The following TULP4 variants were observed in gnomAD, a reference collection of about 807,000 sequenced individuals.
TULP4 encodes TUB like protein 4, also known as tubby-related protein 4.
Under a neutral mutation model 129.0 loss-of-function variants are expected in TULP4, and 16 were observed. The observed-to-expected ratio is 0.12, with a 90% CI of 0.08 to 0.19. The LOEUF is 0.19. Among genes scored for constraint, TULP4 ranks in the 10% least tolerant of loss-of-function variants. The probability of loss-of-function intolerance (pLI) is 1.00; values close to 1 mark genes in which losing one functional copy is unlikely to be tolerated. For missense variants in TULP4, 1,842 were observed against 2,059.1 expected (o/e 0.89, Z 2.04); for synonymous variants, 998 against 854.0 (o/e 1.17, Z -2.94).
At chr6:158,394,409 C>T (rs1408272807) in intron 1 of TULP4, among the ~76,000 whole-genome samples, 1 of 151,718 alleles carries the variant, frequency 6.6e-6, no homozygotes. Context: ...GTCGCTTCCA[C>T]ATTTTCAGGT....
intron 1 of TULP4, among the ~76,000 whole-genome samples, chr6:158,368,326 A>G (rs1346862952): frequency 6.6e-6 from 1 of 152,072 alleles, no homozygotes; most frequent in Non-Finnish European, 1.5e-5. Context: ...TTTATTTGAG[A>G]CAGAGTCTCG....
intron 1 of TULP4, among the ~76,000 whole-genome samples, chr6:158,293,590 G>T (rs532430351): frequency 6.6e-6 from 1 of 152,318 alleles, no homozygotes; most frequent in East Asian, 1.9e-4. Flanking sequence ...TATGTGCTCA[G>T]TGCTTCTGTG....
intron 5 of TULP4, among the ~76,000 whole-genome samples, chr6:158,454,029 C>CCG (rs1554293031): frequency 2.0e-5 from 3 of 147,938 alleles, no homozygotes; most frequent in Non-Finnish European, 4.5e-5. Flanking sequence ...CCGCCCCCCC[C>CCG]CAAGTAATTA....
At chr6:158,235,146 C>A (rs1464826713) in intron 1 of TULP4, among the ~76,000 whole-genome samples, 1 of 151,888 alleles carries the variant, frequency 6.6e-6, no homozygotes, top group East Asian at 1.9e-4. Context: ...CCACTGCACT[C>A]CAGCCTGGGT....
chr6:158,302,047 T>C (rs1779141048), intron 1 of TULP4, among the ~76,000 whole-genome samples: 1 of 152,228 alleles, frequency 6.6e-6, no homozygotes. Flanking sequence ...TAATCCAGCC[T>C]CTTTAACACA....
chr6:158,455,511 T>C (rs1207353805), intron 5 of TULP4, among the ~76,000 whole-genome samples: 1 of 151,622 alleles, frequency 6.6e-6, no homozygotes, highest in Non-Finnish European at 1.5e-5. Flanking sequence ...CTGAGGCAGG[T>C]GAATCACCTG....
chr6:158,454,017 CA>C (rs1229649726), intron 5 of TULP4, among the ~76,000 whole-genome samples: 3 of 68,470 alleles, frequency 4.4e-5, no homozygotes, highest in African/African-American at 2.5e-4. Flanking sequence ...CCTGCCTCTG[CA>C]CCGCCCCCCC....
intron 3 of TULP4, among the ~76,000 whole-genome samples, chr6:158,445,419 G>T (rs1446064514): frequency 6.6e-6 from 1 of 152,134 alleles, no homozygotes; most frequent in Non-Finnish European, 1.5e-5. Context: ...GAAGGAGATT[G>T]CTCCTTCATT....
intron 1 of TULP4, among the ~76,000 whole-genome samples, chr6:158,382,977 C>T (rs894760714): frequency 1.3e-5 from 2 of 152,184 alleles, no homozygotes; most frequent in Non-Finnish European, 2.9e-5. Flanking sequence ...CGAATTAGTG[C>T]TGTGCCAAAA....
At chr6:158,404,391 T>C (rs1367093723) in intron 1 of TULP4, among the ~76,000 whole-genome samples, 4 of 152,170 alleles carry the variant, frequency 2.6e-5, no homozygotes, top group Non-Finnish European at 4.4e-5. Flanking sequence ...GGGATCTCTT[T>C]GGTGTATGTT....
chr6:158,439,049 T>C (rs2115091403), intron 3 of TULP4, among the ~76,000 whole-genome samples: 1 of 152,036 alleles, frequency 6.6e-6, no homozygotes, highest in South Asian at 2.1e-4. Context: ...CATGTGCCTG[T>C]AGTCCCAGCT....
intron 1 of TULP4, among the ~76,000 whole-genome samples, chr6:158,365,964 GCC>G (rs1780946408): frequency 8.3e-6 from 1 of 120,778 alleles, no homozygotes; most frequent in South Asian, 3.0e-4. Context: ...GTGCAGTGGC[GCC>G]ATCTCGGCTC....
chr6:158,285,574 C>T (rs1409857311), intron 1 of TULP4, among the ~76,000 whole-genome samples: 1 of 152,210 alleles, frequency 6.6e-6, no homozygotes, highest in African/African-American at 2.4e-5. Flanking sequence ...GTACTGTTCA[C>T]CACCCTGAGA....
chr6:158,293,941 T>C (rs1778986530), intron 1 of TULP4, among the ~76,000 whole-genome samples: 1 of 152,192 alleles, frequency 6.6e-6, no homozygotes, highest in Non-Finnish European at 1.5e-5. Flanking sequence ...AAAGGCAGGC[T>C]CTGAGTGCAA....
chr6:158,232,677 T>C lies in TULP4; in HGVS notation n.68+374T>C, dbSNP rs1777619842. ...GCTTGGAGCCATTTTTTTTTCTTAATTGTGGAGACAGAAAATCCCTGAAAA... is the reference window on the plus strand; with the variant it reads ...GCTTGGAGCCATTTTTTTTTCTTAACTGTGGAGACAGAAAATCCCTGAAAA... On this transcript the variant is annotated intron_variant and non_coding_transcript_variant, in intron 1 of 1. Transcript: ENST00000620026. Among the ~76,000 whole-genome samples, 5 of 152,016 alleles carry C rather than the reference T, an allele frequency of 3.3e-5. No homozygotes were observed. The South Asian group carries it at 1.0e-3, about 32-fold the overall frequency.
At chr6:158,416,524 A>G (rs915513439) in intron 2 of TULP4, among the ~76,000 whole-genome samples, 12 of 152,260 alleles carry the variant, frequency 7.9e-5, no homozygotes, top group South Asian at 4.1e-4. Flanking sequence ...TGGTACAGCT[A>G]TATGTTTGTG....
At chr6:158,460,832 C>T (rs1026056892) in intron 5 of TULP4, among the ~76,000 whole-genome samples, 3 of 151,916 alleles carry the variant, frequency 2.0e-5, no homozygotes, top group African/African-American at 7.3e-5. Context: ...TCTGAGTCAT[C>T]CCTGGGAGTG....
intron 1 of TULP4, among the ~76,000 whole-genome samples, chr6:158,350,718 G>A (rs9457361): frequency 0.17 from 26,207 of 151,614 alleles, 2,688 homozygotes; most frequent in Middle Eastern, 0.26. Flanking sequence ...GAGGGAGACC[G>A]TAGAAAGAAA....
chr6:158,416,516 G>GT, intron 2 of TULP4, among the ~76,000 whole-genome samples: 1 of 152,084 alleles, frequency 6.6e-6, no homozygotes, highest in Non-Finnish European at 1.5e-5. Flanking sequence ...ACATAATTTG[G>GT]TACAGCTATA....
Sources: allele counts gnomAD v4.1 joint callset (sites outside exome capture counted in the v4.1 genomes callset), GRCh38; gene constraint gnomAD v4.1.1; transcripts MANE v1.5; gene names NCBI Gene and HGNC (gene_info 2026-07-23, HGNC 2026-07-21).